The following TMOD3 variants were observed in gnomAD, a reference collection of about 807,000 sequenced individuals.
TMOD3 encodes tropomodulin-3.
A neutral mutation model predicts 39.2 loss-of-function variants in TMOD3; 20 were observed. That is an observed-to-expected ratio of 0.51 (90% confidence interval 0.36 to 0.74). The LOEUF is 0.74. TMOD3 is among the 30% of genes least tolerant of loss of function. The probability of loss-of-function intolerance (pLI) is 0.00; values close to 1 mark genes in which losing one functional copy is unlikely to be tolerated. For synonymous variants in TMOD3, 143 were observed against 145.8 expected (o/e 0.98, Z 0.14); for missense variants, 381 against 412.8 (o/e 0.92, Z 0.67).
At chr15:51,886,177 C>T (rs2056561696) in intron 3 of TMOD3, among the ~76,000 whole-genome samples, 1 of 151,768 alleles carries the variant, frequency 6.6e-6, no homozygotes, top group Non-Finnish European at 1.5e-5. Flanking sequence ...CTCCTCACTT[C>T]CCAGACTGGG....
chr15:51,907,294 A>G (rs1386040985), intron 9 of TMOD3: 1 of 152,172 alleles, frequency 6.6e-6, no homozygotes, highest in African/African-American at 2.4e-5. Flanking sequence ...TCATGAAGCA[A>G]TCCCTATTTT....
rs1029678023 is a variant in TMOD3 at position 51,859,591 on chromosome 15, T to C, written c.-74-3220T>C. The C allele has an allele frequency of 2.2e-5, 13 of 592,654 alleles. No individual in the cohort carries two copies. The African/African-American group carries it at 2.3e-4, about 10-fold the overall frequency. 36.7% of individuals were successfully genotyped at this position (592,654 alleles called of 1,614,324 possible). A position where few individuals can be genotyped will look rare whatever the true frequency, so the allele number is the denominator to read the frequency against. On this transcript the variant is annotated intron_variant, in intron 1 of 9. Coordinates refer to ENST00000308580, the MANE Select transcript of TMOD3 (RefSeq NM_014547.5). ...GCACCTGTGACAGCTAAGAGAGCTT[T>C]CTTAAAGATTGCCTCGGTGTCTTCT...
At chr15:51,860,970 A>G in intron 1 of TMOD3, 2 of 529,412 alleles carry the variant, frequency 3.8e-6, no homozygotes, top group Non-Finnish European at 7.2e-6. Context: ...GGAGAGCCAA[A>G]GTTGAACATC....
chr15:51,877,071 T>G (rs563082047), intron 3 of TMOD3, among the ~76,000 whole-genome samples: 1 of 152,128 alleles, frequency 6.6e-6, no homozygotes, highest in African/African-American at 2.4e-5. Flanking sequence ...TCAAAAAAAA[T>G]AAAGAAAAAG....
At chr15:51,853,526 T>C (rs1210140387) in intron 1 of TMOD3, among the ~76,000 whole-genome samples, 1 of 152,192 alleles carries the variant, frequency 6.6e-6, no homozygotes, top group Non-Finnish European at 1.5e-5. Flanking sequence ...TACTGTCATT[T>C]TATATATCTG....
intron 9 of TMOD3, among the ~76,000 whole-genome samples, chr15:51,905,623 A>G (rs1358449684): frequency 1.3e-5 from 2 of 152,262 alleles, no homozygotes; most frequent in African/African-American, 2.4e-5. Context: ...CACCGAATAC[A>G]TGATTAAGAT....
At chr15:51,873,444 T>C (rs1257111121) in intron 3 of TMOD3, among the ~76,000 whole-genome samples, 5 of 152,214 alleles carry the variant, frequency 3.3e-5, no homozygotes, top group African/African-American at 1.2e-4. Flanking sequence ...CTACCTCTAT[T>C]GAGAAACAAA....
At chr15:51,872,913 G>A (rs1300217778) in intron 3 of TMOD3, among the ~76,000 whole-genome samples, 1 of 152,194 alleles carries the variant, frequency 6.6e-6, no homozygotes, top group Non-Finnish European at 1.5e-5. Context: ...TAATCTATCT[G>A]ATGGAAGCAC....
Position 51,899,465 on chromosome 15 carries a change from A to C in TMOD3, c.736-690A>C, listed in dbSNP as rs2056638042. ...TGGATTGCTTGAGCCCAGGAGTTTG[A>C]GACCAGCCTGGGCAACATGGTGAAA... is the stretch of plus-strand genomic sequence containing the variant. On this transcript the variant is annotated intron_variant, in intron 7 of 9. Transcript: ENST00000308580. 2.6e-5 allele frequency among the ~76,000 whole-genome samples: 4 copies of C among 152,272 alleles called. No homozygotes were observed. The South Asian group carries it at 8.3e-4, about 32-fold the overall frequency.
rs572550862 is a variant in TMOD3, at chr15:51,894,858, A to C, written c.627+913A>C. On this transcript the variant is annotated intron_variant, in intron 6 of 9. Coordinates refer to ENST00000308580, the MANE Select transcript of TMOD3 (RefSeq NM_014547.5). ...TTCACACACAGGTTTTTGTGTGAACATGTTTTAAATTCTCTTGAGTAAACA... is the reference window on the plus strand; with the variant it reads ...TTCACACACAGGTTTTTGTGTGAACCTGTTTTAAATTCTCTTGAGTAAACA... 1.1e-3 allele frequency among the ~76,000 whole-genome samples: 173 copies of C among 152,276 alleles called. 2 individuals are homozygous for C. The highest frequency in any genetic ancestry group is 4.0e-3 in the African/African-American group (166 of 41,552).
intron 1 of TMOD3, among the ~76,000 whole-genome samples, chr15:51,847,649 T>C (rs1844401542): frequency 6.6e-6 from 1 of 152,200 alleles, no homozygotes; most frequent in African/African-American, 2.4e-5. Flanking sequence ...ACAGGCATGG[T>C]GGCTCACGTT....
At chr15:51,885,942 G>A (rs923275370) in intron 3 of TMOD3, among the ~76,000 whole-genome samples, 1 of 149,052 alleles carries the variant, frequency 6.7e-6, no homozygotes, top group South Asian at 2.1e-4. Context: ...TCCCGGACAG[G>A]GTGGCTGGCC....
At chr15:51,838,403 G>A (rs569334552) in intron 1 of TMOD3, among the ~76,000 whole-genome samples, 1 of 152,098 alleles carries the variant, frequency 6.6e-6, no homozygotes, top group African/African-American at 2.4e-5. Context: ...AGGTCTCCGG[G>A]AACACAAACC....
chr15:51,885,785 T>C (rs1003310837), intron 3 of TMOD3, among the ~76,000 whole-genome samples: 1 of 152,208 alleles, frequency 6.6e-6, no homozygotes, highest in Non-Finnish European at 1.5e-5. Context: ...TCATGGCCCG[T>C]TCTCAATGAG....
At chr15:51,900,850 G>A (rs1328548777) in intron 8 of TMOD3, among the ~76,000 whole-genome samples, 1 of 151,942 alleles carries the variant, frequency 6.6e-6, no homozygotes, top group African/African-American at 2.4e-5. Context: ...TTTTTTTATT[G>A]AGATATAATT....
At chr15:51,831,208 TATTTA>T (rs1336305438) in intron 1 of TMOD3, among the ~76,000 whole-genome samples, 3 of 152,248 alleles carry the variant, frequency 2.0e-5, no homozygotes, top group Non-Finnish European at 4.4e-5. Context: ...TGCTCAATTT[TATTTA>T]ATCATATTTT....
intron 3 of TMOD3, among the ~76,000 whole-genome samples, chr15:51,880,191 C>G (rs2056525980): frequency 6.6e-6 from 1 of 152,098 alleles, no homozygotes; most frequent in Non-Finnish European, 1.5e-5. Context: ...TATACTGTAT[C>G]TGGCTCAATT....
chr15:51,868,563 G>C (rs2056459111), intron 2 of TMOD3, among the ~76,000 whole-genome samples: 1 of 152,140 alleles, frequency 6.6e-6, no homozygotes, highest in African/African-American at 2.4e-5. Context: ...TCCCACTTAT[G>C]TAAGTAAGAA....
intron 9 of TMOD3, among the ~76,000 whole-genome samples, chr15:51,905,913 C>T (rs1037928947): frequency 9.8e-5 from 12 of 122,688 alleles, no homozygotes; most frequent in African/African-American, 3.7e-4. Context: ...CACTGCAGTC[C>T]GCAGTCCGGC....
Sources: gnomAD v4.1 joint callset for allele counts (sites outside exome capture counted in the v4.1 genomes callset) on GRCh38, gnomAD v4.1.1 for gene constraint, MANE v1.5 for transcripts, NCBI Gene and HGNC (gene_info 2026-07-23, HGNC 2026-07-21) for gene names.